KSR2: variants seen among roughly 807,000 people sequenced by gnomAD.
KSR2 encodes kinase suppressor of ras 2.
Under a neutral mutation model 107.8 loss-of-function variants are expected in KSR2, and 25 were observed. The observed-to-expected ratio is 0.23, with a 90% CI of 0.17 to 0.32. The LOEUF (loss-of-function observed/expected upper bound fraction) is 0.32. Among genes scored for constraint, KSR2 ranks in the 10% least tolerant of loss-of-function variants. The pLI, the probability that KSR2 is intolerant of heterozygous loss-of-function variation, is 1.00. For missense variants in KSR2, 887 were observed against 1,268.9 expected, an observed-to-expected ratio of 0.70 and a Z score of 4.57; for synonymous variants, 480 against 507.0, an observed-to-expected ratio of 0.95 and a Z score of 0.71.
intron 19 of KSR2, among the ~76,000 whole-genome samples, chr12:117,469,376 AT>A (rs1871306986): frequency 6.6e-6 from 1 of 152,284 alleles, no homozygotes; most frequent in South Asian, 2.1e-4. Flanking sequence ...ACCTCACTGC[AT>A]GATGCTCAGA....
At chr12:117,702,606 T>C (rs976448184) in intron 4 of KSR2, among the ~76,000 whole-genome samples, 2 of 152,206 alleles carry the variant, frequency 1.3e-5, no homozygotes, top group African/African-American at 4.8e-5. Context: ...CTTCAGTGCC[T>C]ATGGATGGTG....
At chr12:117,674,798 C>T (rs541476011) in intron 4 of KSR2, among the ~76,000 whole-genome samples, 1 of 152,336 alleles carries the variant, frequency 6.6e-6, no homozygotes, top group Middle Eastern at 3.4e-3. Context: ...TGTCACTCCT[C>T]TTCTTAAAAC....
chr12:117,777,088 TTATATA>T (rs1288633301), intron 3 of KSR2, among the ~76,000 whole-genome samples: 3 of 132,548 alleles, frequency 2.3e-5, no homozygotes, highest in African/African-American at 6.2e-5. Flanking sequence ...TATATATATT[TTATATA>T]TATATATATA....
In KSR2 at chr12:117,533,668, C is replaced by T. The variant is rs538978707; in HGVS notation, c.1688-1961G>A. The stretch of plus-strand genomic sequence containing the variant: ...TTAAAACAGGAAAGACGACCCGAGG[C>T]TCTCAAGAGACTTGGCTGATCTTTT... On this transcript the variant is annotated intron_variant, in intron 10 of 19. Coordinates refer to ENST00000339824, the MANE Select transcript of KSR2 (RefSeq NM_173598.6). Among the ~76,000 whole-genome samples, 4 of 152,338 alleles carry T rather than the reference C, an allele frequency of 2.6e-5. No individual in the cohort carries two copies. In the East Asian group the frequency reaches 7.7e-4, roughly 29 times the overall value.
chr12:117,744,430 G>T (rs1225806597), intron 4 of KSR2, among the ~76,000 whole-genome samples: 1 of 152,098 alleles, frequency 6.6e-6, no homozygotes, highest in African/African-American at 2.4e-5. Context: ...ACTGTTGGCT[G>T]GTAGACATAA....
chr12:117,611,222 T>C (rs1881578147), intron 5 of KSR2, among the ~76,000 whole-genome samples: 2 of 152,142 alleles, frequency 1.3e-5, no homozygotes, highest in South Asian at 2.1e-4. Context: ...TCAGCACTCC[T>C]GTGGGCTTGG....
chr12:117,527,280 GACACACACACAC>G (rs59836858), intron 12 of KSR2, among the ~76,000 whole-genome samples, 161 bp from the exon 13 acceptor site: 2 of 124,468 alleles, frequency 1.6e-5, no homozygotes, highest in Non-Finnish European at 3.4e-5. Context: ...CCATAACCTC[GACACACACACAC>G]ACACACACAG....
intron 3 of KSR2, among the ~76,000 whole-genome samples, chr12:117,824,814 G>A (rs1383535334): frequency 1.4e-5 from 2 of 143,664 alleles, no homozygotes; most frequent in East Asian, 2.1e-4. Flanking sequence ...CCAAGATCAC[G>A]CCACTGCACT....
chr12:117,720,504 G>A (rs936394594), intron 4 of KSR2, among the ~76,000 whole-genome samples: 2 of 152,196 alleles, frequency 1.3e-5, no homozygotes, highest in African/African-American at 4.8e-5. Context: ...GTAACACGAG[G>A]CAGAGGCAAG....
intron 14 of KSR2, among the ~76,000 whole-genome samples, chr12:117,522,857 A>G (rs1040192716): frequency 1.3e-5 from 2 of 152,168 alleles, no homozygotes; most frequent in Non-Finnish European, 2.9e-5. Flanking sequence ...ACAGCCAACT[A>G]CAAGAACCCA....
intron 5 of KSR2, among the ~76,000 whole-genome samples, chr12:117,648,298 T>C (rs1028934925): frequency 1.4e-5 from 2 of 147,138 alleles, no homozygotes; most frequent in African/African-American, 2.5e-5. Context: ...GACTGCCTTC[T>C]TTAGAAGTGG....
intron 5 of KSR2, among the ~76,000 whole-genome samples, chr12:117,620,078 A>G (rs1307762601): frequency 6.6e-6 from 1 of 152,150 alleles, no homozygotes; most frequent in African/African-American, 2.4e-5. Flanking sequence ...AATTTATCAT[A>G]GTTGATCTTT....
intron 7 of KSR2, among the ~76,000 whole-genome samples, chr12:117,561,260 A>G (rs1878099734): frequency 6.6e-6 from 1 of 152,242 alleles, no homozygotes; most frequent in African/African-American, 2.4e-5. Context: ...AAGAGGACAT[A>G]GCTCTTGGCA....
intron 9 of KSR2, among the ~76,000 whole-genome samples, chr12:117,554,288 C>T (rs1195042792): frequency 1.3e-5 from 2 of 152,126 alleles, no homozygotes; most frequent in African/African-American, 4.8e-5. Flanking sequence ...GGGCCCACTG[C>T]TGACCACCTG....
chr12:117,485,788 T>G, intron 14 of KSR2, 97 bp from the exon 15 acceptor site: 4 of 795,874 alleles, frequency 5.0e-6, no homozygotes, highest in Admixed American at 1.9e-5. Context: ...CATAGACACG[T>G]GGACATGCCA....
intron 3 of KSR2, among the ~76,000 whole-genome samples, chr12:117,850,452 A>T (rs1040185886): frequency 6.6e-6 from 1 of 152,218 alleles, no homozygotes; most frequent in Non-Finnish European, 1.5e-5. Context: ...TAAGTAATTC[A>T]TGAATTTAGC....
intron 5 of KSR2, among the ~76,000 whole-genome samples, chr12:117,618,238 G>A (rs1246163010): frequency 6.6e-6 from 1 of 152,050 alleles, no homozygotes; most frequent in Non-Finnish European, 1.5e-5. Context: ...ATTTTTATAA[G>A]CACTGGTCTA....
intron 3 of KSR2, among the ~76,000 whole-genome samples, chr12:117,822,065 C>T (rs575854890): frequency 9.9e-5 from 15 of 152,276 alleles, no homozygotes; most frequent in African/African-American, 3.6e-4. Context: ...CTCTGGTCGT[C>T]CTCACTGCTA....
chr12:117,717,080 C>T (rs551872786), intron 4 of KSR2, among the ~76,000 whole-genome samples: 1 of 152,346 alleles, frequency 6.6e-6, no homozygotes, highest in East Asian at 1.9e-4. Context: ...TATTTTCAGA[C>T]TCCTGAAGTT....
Sources: allele counts gnomAD v4.1 joint callset (sites outside exome capture counted in the v4.1 genomes callset), GRCh38; gene constraint gnomAD v4.1.1; transcripts MANE v1.5; gene names NCBI Gene and HGNC (gene_info 2026-07-23, HGNC 2026-07-21).